Variants in TMC1 observed in about 807,000 individuals in gnomAD.
TMC1 encodes the protein transmembrane channel-like protein 1.
In TMC1, 84 loss-of-function variants were observed where a neutral mutation model predicts 105.8. The observed-to-expected ratio is 0.79, with a 90% confidence interval of 0.67 to 0.95. The LOEUF (loss-of-function observed/expected upper bound fraction) is 0.95. Among genes scored for constraint, TMC1 ranks in the 40% least tolerant of loss-of-function variants. The probability of loss-of-function intolerance (pLI) is 0.00; values close to 1 mark genes in which losing one functional copy is unlikely to be tolerated. For missense variants in TMC1, 817 were observed against 914.1 expected (o/e 0.89, Z 1.37); for synonymous variants, 315 against 311.5 (o/e 1.01, Z -0.12).
At chr9:72,761,732 G>GA (rs1296385376) in intron 12 of TMC1, among the ~76,000 whole-genome samples, 3 of 152,280 alleles carry the variant, frequency 2.0e-5, no homozygotes. Flanking sequence ...AAGGAGATAA[G>GA]TTCTTTAATC....
At chr9:72,525,645 G>A (rs2132053372) in intron 1 of TMC1, among the ~76,000 whole-genome samples, 1 of 152,244 alleles carries the variant, frequency 6.6e-6, no homozygotes, top group South Asian at 2.1e-4. Flanking sequence ...CTGAAAGAAA[G>A]GGAAACAGTT....
rs533239506 is a variant in TMC1 at position 72,704,737 on chromosome 9, C to A, written c.362+4094C>A. Among the ~76,000 whole-genome samples, 6 of 152,022 alleles carry A rather than the reference C, an allele frequency of 3.9e-5. No individual in the cohort carries two copies. In the South Asian group the frequency reaches 1.3e-3, roughly 32 times the overall value. On this transcript the variant is annotated intron_variant, in intron 8 of 23. Transcript: ENST00000297784. ...AATACAATTTCACACATTCCTGTAG[C>A]CTTAAACCTACTGAATGATAATCTC...
chr9:72,782,006 T>C (rs1828101360), intron 13 of TMC1, among the ~76,000 whole-genome samples: 1 of 151,894 alleles, frequency 6.6e-6, no homozygotes, highest in African/African-American at 2.4e-5. Context: ...AGAGACACAA[T>C]GAGAAAATAA....
intron 1 of TMC1, among the ~76,000 whole-genome samples, chr9:72,569,111 G>T (rs1159711397): frequency 6.6e-6 from 1 of 152,146 alleles, no homozygotes; most frequent in African/African-American, 2.4e-5. Context: ...GGATGCCCAA[G>T]TCTCTGATAT....
At chr9:72,678,595 A>C (rs1826240702) in intron 5 of TMC1, among the ~76,000 whole-genome samples, 1 of 152,154 alleles carries the variant, frequency 6.6e-6, no homozygotes, top group African/African-American at 2.4e-5. Context: ...TGGCACAAAG[A>C]AGGATCTTAA....
At chr9:72,760,485 G>A (rs1433763606) in intron 12 of TMC1, among the ~76,000 whole-genome samples, 1 of 152,068 alleles carries the variant, frequency 6.6e-6, no homozygotes, top group East Asian at 1.9e-4. Context: ...TTAAGCTAGA[G>A]CCGTTATCTA....
chr9:72,612,788 T>C (rs985279647), intron 2 of TMC1, among the ~76,000 whole-genome samples: 1 of 152,136 alleles, frequency 6.6e-6, no homozygotes, highest in Non-Finnish European at 1.5e-5. Context: ...ATTTAAGACA[T>C]TTTTGGTTGT....
chr9:72,803,076 T>C lies in TMC1; in HGVS notation c.1567-2306T>C, dbSNP rs373100481. ...CAGAATAGGGAACACAGAAATAAGA[T>C]CACAGACCTACAGTCATCTGATCTT... On this transcript the variant is annotated intron_variant, in intron 17 of 23. Transcript: ENST00000297784. Among the ~76,000 whole-genome samples the C allele has an allele frequency of 2.0e-4, 31 of 151,954 alleles. No homozygotes were observed. The East Asian group carries it at 5.4e-3, about 27-fold the overall frequency.
chr9:72,553,487 C>T (rs1370342100), intron 1 of TMC1, among the ~76,000 whole-genome samples: 1 of 152,162 alleles, frequency 6.6e-6, no homozygotes, highest in African/African-American at 2.4e-5. Context: ...AGCTGTTCTA[C>T]TCTTCTCTAC....
intron 2 of TMC1, among the ~76,000 whole-genome samples, chr9:72,599,602 A>G (rs1234491773): frequency 1.3e-5 from 2 of 152,228 alleles, no homozygotes; most frequent in African/African-American, 4.8e-5. Context: ...GGTGAGACAG[A>G]GTTCAAGACC....
rs139522484 is a variant in TMC1 at position 72,760,171 on chromosome 9, G to A, written c.741+5287G>A. On this transcript the variant is annotated intron_variant, in intron 12 of 23. Transcript: ENST00000297784. ...TTATTAATTTTGCTTTGGTTGGTTA[G>A]CAAAGTTCTATCTTTAGTTTTTAAA... 3.0e-3 allele frequency among the ~76,000 whole-genome samples: 454 copies of A among 151,980 alleles called. 3 individuals are homozygous for A. Among genetic ancestry groups the A allele is most frequent in the African/African-American group, 9.8e-3 (406 of 41,484 alleles).
intron 7 of TMC1, among the ~76,000 whole-genome samples, chr9:72,699,331 A>G (rs1014671642): frequency 2.6e-5 from 4 of 152,186 alleles, no homozygotes; most frequent in African/African-American, 9.6e-5. Context: ...CACTTCCACC[A>G]AATATATTTC....
intron 18 of TMC1, among the ~76,000 whole-genome samples, chr9:72,814,737 T>C (rs1481991896): frequency 6.6e-6 from 1 of 152,202 alleles, no homozygotes. Flanking sequence ...AGGAAAGTGA[T>C]GAAGTTGAGG....
At chr9:72,547,983 G>A (rs1358937632) in intron 1 of TMC1, among the ~76,000 whole-genome samples, 1 of 152,162 alleles carries the variant, frequency 6.6e-6, no homozygotes, top group African/African-American at 2.4e-5. Flanking sequence ...ATGGCAGAGA[G>A]CAGAGAACAG....
intron 5 of TMC1, chr9:72,655,829 G>T: frequency 5.8e-6 from 4 of 684,398 alleles, no homozygotes; most frequent in South Asian, 4.7e-5. Flanking sequence ...TAAAATAGTT[G>T]ACTTATACGT....
At chr9:72,602,467 C>T (rs1824834413) in intron 2 of TMC1, among the ~76,000 whole-genome samples, 1 of 150,588 alleles carries the variant, frequency 6.6e-6, no homozygotes, top group African/African-American at 2.4e-5. Context: ...CTCTGCCTCC[C>T]AGGTTCAAGC....
Position 72,535,045 on chromosome 9 carries a change from A to G in TMC1, c.-428+13132A>G, listed in dbSNP as rs1030596483. Reference sequence around the variant, plus strand: ...AAGGCAGTCGATTCATGGATCTCTTAGAGAGAGAGAAAAAAAAAAAGCTAG... The same window carrying G: ...AAGGCAGTCGATTCATGGATCTCTTGGAGAGAGAGAAAAAAAAAAAGCTAG... On this transcript the variant is annotated intron_variant, in intron 1 of 23. Transcript: ENST00000297784. Among the ~76,000 whole-genome samples, 3 of 10,714 alleles carry G rather than the reference A, an allele frequency of 2.8e-4. No homozygotes were observed. In the African/African-American group the frequency reaches 3.8e-3, roughly 14 times the overall value. 7.0% of individuals were successfully genotyped at this position (10,714 alleles called of 152,430 possible). A position where few individuals can be genotyped will look rare whatever the true frequency, so the allele number is the denominator to read the frequency against.
Position 72,736,125 on chromosome 9 carries a change from G to C in TMC1, c.363-3994G>C, listed in dbSNP as rs73647807. Among the ~76,000 whole-genome samples the C allele has an allele frequency of 2.2e-3, 339 of 152,234 alleles. 3 individuals are homozygous for C. Among genetic ancestry groups the C allele is most frequent in the African/African-American group, 7.9e-3 (327 of 41,534 alleles). ...ACTTTGTTTAAAAACCAGAATCTAA[G>C]ATATATATGTTGAGGCTAGGGCGGG... On this transcript the variant is annotated intron_variant, in intron 8 of 23. Transcript: ENST00000297784.
At chr9:72,564,604 G>A (rs1241873913) in intron 1 of TMC1, among the ~76,000 whole-genome samples, 1 of 152,172 alleles carries the variant, frequency 6.6e-6, no homozygotes, top group Non-Finnish European at 1.5e-5. Context: ...AATAGGATAG[G>A]TGGTGCTGGA....
Sources: gnomAD v4.1 joint callset for allele counts (sites outside exome capture counted in the v4.1 genomes callset) on GRCh38, gnomAD v4.1.1 for gene constraint, MANE v1.5 for transcripts, NCBI Gene and HGNC (gene_info 2026-07-23, HGNC 2026-07-21) for gene names.